Variants in WDR72 observed in about 807,000 individuals in gnomAD.
The protein encoded by WDR72 is WD repeat-containing protein 72.
A neutral mutation model predicts 124.2 loss-of-function variants in WDR72; 120 were observed. The ratio of observed to expected loss-of-function variants is 0.97; its 90% CI spans 0.83 to 1.12. The LOEUF (loss-of-function observed/expected upper bound fraction) is 1.12, where lower values mean the gene tolerates loss of function less well. WDR72 is among the 50% of genes most tolerant of loss of function. WDR72 has a pLI of 0.00. For synonymous variants in WDR72, 452 were observed against 441.7 expected, an observed-to-expected ratio of 1.02 and a Z score of -0.29; for missense variants, 1,387 against 1,278.8, an observed-to-expected ratio of 1.08 and a Z score of -1.29.
chr15:53,660,809 T>G (rs1418326834), intron 14 of WDR72, among the ~76,000 whole-genome samples: 1 of 152,190 alleles, frequency 6.6e-6, no homozygotes, highest in East Asian at 1.9e-4. Context: ...GTTCCCGGTT[T>G]CTGTCACAGG....
chr15:53,702,901 C>T (rs573622274), intron 11 of WDR72, among the ~76,000 whole-genome samples: 44 of 117,708 alleles, frequency 3.7e-4, no homozygotes, highest in African/African-American at 1.6e-3. Flanking sequence ...TATTTTCATT[C>T]ATTTTTTTTT....
chr15:53,714,492 A>C lies in WDR72; in HGVS notation c.533T>G (p.Val178Gly). The change falls in exon 6 of 20, where the codon GTA becomes GGA. Residue 178 changes from valine (V) to glycine (G), a missense_variant. Transcript: ENST00000360509. ...TACTTTGAGCTCACCAGCTACTGAT[A>C]CCACCAAGAGAGAATCTTCTGTGAA... ...MRIQEDSLLV[V>G]SVAGELKVWD... The C allele has an allele frequency of 6.2e-7, 1 of 1,613,692 alleles. No homozygotes were observed. The highest frequency in any genetic ancestry group is 8.5e-7 in the Non-Finnish European group (1 of 1,179,660).
Position 53,712,832 on chromosome 15 carries a change from T to C in WDR72, c.651A>G (p.Thr217=), listed in dbSNP as rs991933856. 7 of 1,613,912 alleles carry C rather than the reference T, an allele frequency of 4.3e-6. No individual in the cohort carries two copies. The East Asian group carries it at 8.9e-5, about 21-fold the overall frequency. The change falls in exon 7 of 20, where the codon ACA becomes ACG. Residue 217 remains threonine (T), a synonymous_variant. Transcript: ENST00000360509. ...TCTCAGTATATGTGCAAAATCGAAT[T>C]GTCTGGCAGTTCAAGGACTCAAGAA... ...SKFLESLNCQ[T]IRFCTYTERL...
intron 14 of WDR72, among the ~76,000 whole-genome samples, chr15:53,638,250 T>C (rs2014699434): frequency 6.6e-6 from 1 of 152,092 alleles, no homozygotes; most frequent in African/African-American, 2.4e-5. Context: ...AAATGAAAAA[T>C]GTTCAACACC....
At chr15:53,585,421 G>A (rs1260252354) in intron 18 of WDR72, among the ~76,000 whole-genome samples, 2 of 151,970 alleles carry the variant, frequency 1.3e-5, no homozygotes, top group Non-Finnish European at 2.9e-5. Flanking sequence ...CTTGACACGT[G>A]GGAATTACAG....
chr15:53,730,716 T>C (rs1244464316), intron 2 of WDR72, among the ~76,000 whole-genome samples: 3 of 152,154 alleles, frequency 2.0e-5, no homozygotes, highest in African/African-American at 4.8e-5. Flanking sequence ...ACATCCTTTT[T>C]TACAGTCTCT....
chr15:53,590,443 A>G (rs1906434), intron 18 of WDR72, among the ~76,000 whole-genome samples: 121,544 of 151,602 alleles, frequency 0.8, 49,105 homozygotes, highest in Middle Eastern at 0.93. Context: ...TGCATATCCA[A>G]TATCTGTTAA....
Position 53,639,286 on chromosome 15 carries a change from C to G in WDR72, c.1963-23043G>C, listed in dbSNP as rs374765149. On this transcript the variant is annotated intron_variant, in intron 14 of 19. Coordinates refer to ENST00000360509, the MANE Select transcript of WDR72 (RefSeq NM_182758.4). ...GTGGACGACTCAACAGCGAGCAGAACAGACAGCCGCAGTCCCTGGAGCAGA... is the reference window on the plus strand; with the variant it reads ...GTGGACGACTCAACAGCGAGCAGAAGAGACAGCCGCAGTCCCTGGAGCAGA... Among the ~76,000 whole-genome samples, 507 of 151,980 alleles carry G rather than the reference C, an allele frequency of 3.3e-3. 7 individuals are homozygous for G. Among genetic ancestry groups the G allele is most frequent in the South Asian group, 0.03 (143 of 4,806 alleles).
chr15:53,516,547 C>G lies in WDR72; in HGVS notation c.*1152G>C, dbSNP rs893761320. On this transcript the variant is annotated 3_prime_UTR_variant, in exon 20 of 20. Transcript: ENST00000360509. ...ATCCCTTTTTCAATTATATAGTTCT[C>G]TTTTCTAATTTCCCCCTCTCCTGTC... 6.6e-6 allele frequency: 1 copy of G among 151,834 alleles called. No homozygotes were observed. Among genetic ancestry groups the G allele is most frequent in the Admixed American group, 6.6e-5 (1 of 15,204 alleles). The allele number at this position is 151,834 out of a possible 1,614,324, so 9.4% of individuals were successfully genotyped here.
At chr15:53,682,710 C>T (rs911815334) in intron 13 of WDR72, among the ~76,000 whole-genome samples, 2 of 152,158 alleles carry the variant, frequency 1.3e-5, no homozygotes, top group Non-Finnish European at 2.9e-5. Context: ...CAAGAGTCAC[C>T]TTTATTCCAG....
chr15:53,523,437 A>G, intron 18 of WDR72, 115 bp from the exon 19 acceptor site: 1 of 922,890 alleles, frequency 1.1e-6, no homozygotes, highest in Non-Finnish European at 1.7e-6. Context: ...GGGACACACT[A>G]TGTAAACACA....
Position 53,613,698 on chromosome 15 carries a change from T to C in WDR72, c.2840A>G (p.Asn947Ser). Residue 947 changes from asparagine (N) to serine (S), a missense_variant, in exon 16 of 20, where the codon AAT (asparagine) becomes AGT (serine). Transcript: ENST00000360509. The part of the protein sequence containing the change: ...KMRGAGNDIL[N>S]MSSFYSCLRN... ...TAAGCAACTGTAGAAGCTTGACATA[T>C]TTAAAATGTCATTCCCAGCACCTCT... The C allele has an allele frequency of 6.2e-7, 1 of 1,611,188 alleles. No homozygotes were observed.
intron 18 of WDR72, among the ~76,000 whole-genome samples, chr15:53,593,103 T>C (rs1469328829): frequency 6.6e-6 from 1 of 152,110 alleles, no homozygotes; most frequent in Non-Finnish European, 1.5e-5. Flanking sequence ...TGGATTTCCA[T>C]TGCTTTCTAG....
At chr15:53,702,379 AAT>A in intron 11 of WDR72, 25 bp from the exon 12 acceptor site, 1 of 1,548,316 alleles carries the variant, frequency 6.5e-7, no homozygotes, top group Non-Finnish European at 8.9e-7. Flanking sequence ...AACACCAAAT[AAT>A]ACAGATGTTA....
chr15:53,724,643 A>G (rs1182668774), intron 2 of WDR72, among the ~76,000 whole-genome samples: 2 of 152,178 alleles, frequency 1.3e-5, no homozygotes, highest in African/African-American at 4.8e-5. Context: ...AATCACCCCC[A>G]TGATCCAATC....
rs2017317814 is a variant in WDR72, at chr15:53,705,253, A to T, written c.1103-20T>A. On this transcript the variant is annotated intron_variant, in intron 10 of 19. Coordinates refer to ENST00000360509, the MANE Select transcript of WDR72 (RefSeq NM_182758.4). ...GTATCTCTAAAAAGAAAACAGACAT[A>T]AAAAGAAAATTTGGTTTATCAGTAC... 6 of 1,610,174 alleles carry T rather than the reference A, an allele frequency of 3.7e-6. No individual in the cohort carries two copies. The highest frequency in any genetic ancestry group is 5.1e-6 in the Non-Finnish European group (6 of 1,179,866).
At chr15:53,552,157 T>C (rs1184661362) in intron 18 of WDR72, among the ~76,000 whole-genome samples, 1 of 152,108 alleles carries the variant, frequency 6.6e-6, no homozygotes, top group Non-Finnish European at 1.5e-5. Flanking sequence ...TGTGTGTTTA[T>C]GTATGTACTA....
At chr15:53,678,914 T>C (rs1467544688) in intron 13 of WDR72, among the ~76,000 whole-genome samples, 6 of 152,140 alleles carry the variant, frequency 3.9e-5, no homozygotes, top group Admixed American at 3.9e-4. Context: ...CAAGTGTCCA[T>C]CAAATAATGA....
chr15:53,601,636 T>C (rs1488137808), intron 17 of WDR72, among the ~76,000 whole-genome samples: 1 of 151,506 alleles, frequency 6.6e-6, no homozygotes, highest in South Asian at 2.1e-4. Flanking sequence ...AAATAAAGGG[T>C]TGGAGGAAAA....
Sources: gnomAD v4.1 joint callset for allele counts (sites outside exome capture counted in the v4.1 genomes callset) on GRCh38, gnomAD v4.1.1 for gene constraint, MANE v1.5 for transcripts, NCBI Gene and HGNC (gene_info 2026-07-23, HGNC 2026-07-21) for gene names.